The following KIAA0232 variants were observed in gnomAD, a reference collection of about 807,000 sequenced individuals.
KIAA0232 encodes the protein KIAA0232, also known as uncharacterized protein KIAA0232.
In KIAA0232, 27 loss-of-function variants were observed where a neutral mutation model predicts 122.0. The observed-to-expected ratio is 0.22, with a 90% confidence interval of 0.16 to 0.31. KIAA0232 has a LOEUF of 0.31. KIAA0232 is among the 10% of genes least tolerant of loss of function. KIAA0232 has a pLI of 1.00. For missense variants in KIAA0232, 1,551 were observed against 1,634.2 expected (o/e 0.95, Z 0.88); for synonymous variants, 613 against 587.6 (o/e 1.04, Z -0.63).
At chr4:6,831,296 C>T (rs55785314) in intron 3 of KIAA0232, among the ~76,000 whole-genome samples, 9,972 of 152,206 alleles carry the variant, frequency 0.066, 1,078 homozygotes, top group African/African-American at 0.22. Context: ...CCTCGTGATC[C>T]GCCCGCCTCG....
At position 6,880,742 on chromosome 4, in the gene KIAA0232, G is replaced by GA. The variant is rs556593131; in HGVS notation, c.4009-37dup. ...AGATAGAGTATCTCACCCTTTTGGG[G>GA]AAAAAAAAGTCTTTTTGATGTGTTG... is the stretch of plus-strand genomic sequence containing the variant. On this transcript the variant is annotated intron_variant, in intron 9 of 9. Coordinates refer to ENST00000307659, the MANE Select transcript of KIAA0232 (RefSeq NM_014743.3). 427 of 1,374,534 alleles carry GA rather than the reference G, an allele frequency of 3.1e-4. 3 individuals are homozygous for GA. The African/African-American group carries it at 4.9e-3, about 16-fold the overall frequency. The allele number at this position is 1,374,534 out of a possible 1,614,324, so 85.1% of individuals were successfully genotyped here. A position where few individuals can be genotyped will look rare whatever the true frequency, so the allele number is the denominator to read the frequency against.
At chr4:6,814,894 A>G (rs1718049168) in intron 2 of KIAA0232, among the ~76,000 whole-genome samples, 1 of 152,228 alleles carries the variant, frequency 6.6e-6, no homozygotes, top group African/African-American at 2.4e-5. Context: ...TTTAAACTTT[A>G]AAGTAAAAAA....
At chr4:6,872,080 G>A (rs1368692184) in intron 8 of KIAA0232, among the ~76,000 whole-genome samples, 1 of 152,308 alleles carries the variant, frequency 6.6e-6, no homozygotes, top group Admixed American at 6.5e-5. Context: ...GAGACAGACA[G>A]GGCAGGAGCC....
At position 6,881,682 on chromosome 4, in the gene KIAA0232, C is replaced by CA. The variant is rs780131124; in HGVS notation, c.*717dup. The CA allele has an allele frequency of 3.9e-5, 6 of 152,618 alleles. No individual in the cohort carries two copies. The highest frequency in any genetic ancestry group is 8.8e-5 in the Non-Finnish European group (6 of 68,052). 9.5% of individuals were successfully genotyped at this position (152,618 alleles called of 1,614,324 possible). A position where few individuals can be genotyped will look rare whatever the true frequency, so the allele number is the denominator to read the frequency against. ...TGCGAGACACAGTGGGGTAAGGGTG[C>CA]ATACCCCACCCCTTACCTGCTCTCA... On this transcript the variant is annotated 3_prime_UTR_variant, in exon 10 of 10. Transcript: ENST00000307659.
intron 4 of KIAA0232, among the ~76,000 whole-genome samples, chr4:6,850,933 G>A (rs1720245242): frequency 6.6e-6 from 1 of 152,190 alleles, no homozygotes; most frequent in Non-Finnish European, 1.5e-5. Context: ...CTCCCAAAGT[G>A]CTGAGATTAC....
rs535150711 is a variant in KIAA0232 at position 6,793,982 on chromosome 4, A to G, written c.-353-10541A>G. Among the ~76,000 whole-genome samples the G allele has an allele frequency of 3.3e-5, 5 of 152,344 alleles. No individual in the cohort carries two copies. The East Asian group carries it at 5.8e-4, about 18-fold the overall frequency. On this transcript the variant is annotated intron_variant, in intron 1 of 9. Transcript: ENST00000307659. ...GCTTCCCTACTCTACCTAGAGATCT[A>G]TTCATTCATAAAGTATTTGTTGACT...
intron 3 of KIAA0232, among the ~76,000 whole-genome samples, chr4:6,839,524 C>T (rs2109122288): frequency 6.6e-6 from 1 of 152,238 alleles, no homozygotes; most frequent in Middle Eastern, 3.4e-3. Context: ...AGGGATGGTC[C>T]CTGAGTGACA....
chr4:6,816,561 C>T (rs911659235), intron 2 of KIAA0232, among the ~76,000 whole-genome samples: 2 of 152,166 alleles, frequency 1.3e-5, no homozygotes, highest in Admixed American at 6.5e-5. Flanking sequence ...GGATTACAGG[C>T]GTGAGCCACC....
At chr4:6,794,100 T>C (rs1377770021) in intron 1 of KIAA0232, among the ~76,000 whole-genome samples, 2 of 151,270 alleles carry the variant, frequency 1.3e-5, no homozygotes, top group South Asian at 2.1e-4. Context: ...GAAGCAGGAG[T>C]AGTATGTAGG....
At chr4:6,848,111 G>A (rs569553055) in intron 4 of KIAA0232, among the ~76,000 whole-genome samples, 2 of 152,296 alleles carry the variant, frequency 1.3e-5, no homozygotes, top group African/African-American at 2.4e-5. Context: ...GTTATTTAAA[G>A]AGCCTTAGAG....
intron 2 of KIAA0232, among the ~76,000 whole-genome samples, chr4:6,818,304 G>C (rs888570641): frequency 1.3e-5 from 2 of 151,858 alleles, no homozygotes; most frequent in East Asian, 3.9e-4. Context: ...GGGAGGCCGA[G>C]GCAGAGAATT....
chr4:6,801,733 T>G (rs1001749798), intron 1 of KIAA0232, among the ~76,000 whole-genome samples: 2 of 151,996 alleles, frequency 1.3e-5, no homozygotes, highest in African/African-American at 4.8e-5. Context: ...AGGACTTTAA[T>G]TAGCATATCC....
chr4:6,849,149 G>A (rs1577396272), intron 4 of KIAA0232, among the ~76,000 whole-genome samples: 1 of 152,196 alleles, frequency 6.6e-6, no homozygotes, highest in Non-Finnish European at 1.5e-5. Flanking sequence ...TGTGCTGGAG[G>A]GACAGAGGGC....
At chr4:6,879,936 C>G (rs1277973256) in intron 9 of KIAA0232, among the ~76,000 whole-genome samples, 7 of 110,086 alleles carry the variant, frequency 6.4e-5, no homozygotes, top group East Asian at 3.4e-4. Flanking sequence ...TCCCAACACA[C>G]CCGTCTGCAG....
rs372429250 is a variant in KIAA0232, at chr4:6,880,899, G to A, written c.4121G>A (p.Gly1374Asp). ...SSASSTSEET[G>D]SEGGGEWVGP... Reference sequence around the variant, plus strand: ...GCCAGCTCCACCTCGGAAGAGACAGGCTCAGAAGGCGGAGGCGAGTGGGTG... The same window carrying A: ...GCCAGCTCCACCTCGGAAGAGACAGACTCAGAAGGCGGAGGCGAGTGGGTG... The change falls in exon 10 of 10, where the codon GGC becomes GAC. Residue 1374 changes from glycine (G) to aspartate (D), a missense_variant. Physicochemically the swap from Gly to Asp is moderately conservative, Grantham distance 94. Coordinates refer to ENST00000307659, the MANE Select transcript of KIAA0232 (RefSeq NM_014743.3). The A allele has an allele frequency of 1.8e-5, 29 of 1,607,568 alleles. No individual in the cohort carries two copies. Among genetic ancestry groups the A allele is most frequent in the Non-Finnish European group, 2.4e-5 (28 of 1,176,802 alleles).
intron 1 of KIAA0232, among the ~76,000 whole-genome samples, chr4:6,792,109 C>T (rs566712265): frequency 6.6e-6 from 1 of 152,300 alleles, no homozygotes; most frequent in Admixed American, 6.5e-5. Flanking sequence ...TCAATGAAAC[C>T]TCTTTCCTTT....
intron 1 of KIAA0232, among the ~76,000 whole-genome samples, chr4:6,784,825 T>TTTG: frequency 6.6e-6 from 1 of 152,368 alleles, no homozygotes; most frequent in South Asian, 2.1e-4. Flanking sequence ...CAGGTGCTTT[T>TTTG]TTGTTTGCTT....
intron 7 of KIAA0232, among the ~76,000 whole-genome samples, chr4:6,869,568 A>C (rs1577415827): frequency 6.6e-6 from 1 of 152,242 alleles, no homozygotes; most frequent in South Asian, 2.1e-4. Flanking sequence ...CCCTGGCCCT[A>C]GCATCTGTTT....
chr4:6,873,722 C>CA (rs1721613645), intron 8 of KIAA0232, among the ~76,000 whole-genome samples: 1 of 152,114 alleles, frequency 6.6e-6, no homozygotes, highest in Non-Finnish European at 1.5e-5. Context: ...TTTGTTTTTA[C>CA]AGTGAAGTGG....
Sources: gnomAD v4.1 joint callset for allele counts (sites outside exome capture counted in the v4.1 genomes callset) on GRCh38, gnomAD v4.1.1 for gene constraint, MANE v1.5 for transcripts, NCBI Gene and HGNC (gene_info 2026-07-23, HGNC 2026-07-21) for gene names.